Variants in OSGIN2 observed in about 807,000 individuals in gnomAD.
OSGIN2 encodes oxidative stress induced growth inhibitor family member 2.
In OSGIN2, 19 loss-of-function variants were observed where a neutral mutation model predicts 53.8. The ratio of observed to expected loss-of-function variants is 0.35; its 90% CI spans 0.25 to 0.52. The LOEUF (loss-of-function observed/expected upper bound fraction) is 0.52. Among genes scored for constraint, OSGIN2 ranks in the 20% least tolerant of loss-of-function variants. OSGIN2 has a pLI of 0.95. For synonymous variants in OSGIN2, 236 were observed against 236.0 expected, an observed-to-expected ratio of 1.00 and a Z score of 0.00; for missense variants, 520 against 662.7, an observed-to-expected ratio of 0.78 and a Z score of 2.36.
In OSGIN2 at chr8:89,917,954, T is replaced by G. The variant is rs912561219; in HGVS notation, c.529-3126T>G. Among the ~76,000 whole-genome samples the G allele has an allele frequency of 3.3e-5, 5 of 152,274 alleles. No homozygotes were observed. In the South Asian group the frequency reaches 6.2e-4, roughly 19 times the overall value. On this transcript the variant is annotated intron_variant, in intron 4 of 5. Transcript: ENST00000451899. ...CGGTATGTAAACATGCTGAAATTAT[T>G]TCCATCTTTAAAAAAATTTTAGGTG... is the stretch of plus-strand genomic sequence containing the variant.
chr8:89,916,921 A>G (rs1446627581), intron 4 of OSGIN2, among the ~76,000 whole-genome samples: 2 of 152,030 alleles, frequency 1.3e-5, no homozygotes, highest in African/African-American at 4.8e-5. Context: ...ACCCCTATGC[A>G]CTTGTGTAAA....
At chr8:89,915,558 C>G (rs1809060625) in intron 4 of OSGIN2, among the ~76,000 whole-genome samples, 1 of 152,246 alleles carries the variant, frequency 6.6e-6, no homozygotes, top group East Asian at 1.9e-4. Context: ...ATTAGGGGGC[C>G]AGTAAGTAAT....
chr8:89,906,473 C>CT (rs111346238), intron 1 of OSGIN2, among the ~76,000 whole-genome samples: 12,329 of 152,126 alleles, frequency 0.081, 1,555 homozygotes, highest in African/African-American at 0.27. Context: ...TTGTTCCCCT[C>CT]TGTGTGTCCA....
At chr8:89,907,914 T>C (rs1410754211) in intron 1 of OSGIN2, among the ~76,000 whole-genome samples, 1 of 152,210 alleles carries the variant, frequency 6.6e-6, no homozygotes, top group South Asian at 2.1e-4. Context: ...ATATGGAATG[T>C]TTTCCCATTC....
chr8:89,913,676 C>G (rs1032473315), intron 2 of OSGIN2, among the ~76,000 whole-genome samples: 1 of 152,108 alleles, frequency 6.6e-6, no homozygotes, highest in Admixed American at 6.5e-5. Flanking sequence ...TAGTACCATA[C>G]TTTGAGATAG....
rs1318043019 is a variant in OSGIN2, at chr8:89,925,568, C to T, written c.*36C>T. The T allele has an allele frequency of 2.6e-6, 4 of 1,539,518 alleles. No individual in the cohort carries two copies. The highest frequency in any genetic ancestry group is 3.6e-5 in the Admixed American group (2 of 54,932). Reference sequence around the variant, plus strand: ...CAAGTAATTAAAATGGACAGTTTGCCATTAAAGATTTTTAATAGTGGTTTT... The same window carrying T: ...CAAGTAATTAAAATGGACAGTTTGCTATTAAAGATTTTTAATAGTGGTTTT... On this transcript the variant is annotated 3_prime_UTR_variant, in exon 6 of 6. Coordinates refer to ENST00000451899, the MANE Select transcript of OSGIN2 (RefSeq NM_001126111.3).
At chr8:89,914,518 G>T (rs1809036963) in intron 3 of OSGIN2, 37 bp from the exon 4 acceptor site, 1 of 1,531,472 alleles carries the variant, frequency 6.5e-7, no homozygotes, top group South Asian at 1.1e-5. Context: ...GGAAATGCTG[G>T]CTTTTTTCAA....
At chr8:89,920,297 T>TAAG (rs1173235281) in intron 4 of OSGIN2, among the ~76,000 whole-genome samples, 1 of 145,178 alleles carries the variant, frequency 6.9e-6, no homozygotes, top group Non-Finnish European at 1.5e-5. Flanking sequence ...AAGTCAGTTA[T>TAAG]AATAATAATA....
At chr8:89,903,724 TCA>T (rs981149321) in intron 1 of OSGIN2, among the ~76,000 whole-genome samples, 1 of 152,208 alleles carries the variant, frequency 6.6e-6, no homozygotes, top group African/African-American at 2.4e-5. Flanking sequence ...AAGCAACAAA[TCA>T]CAGTAGTATC....
chr8:89,916,384 G>A (rs1809079600), intron 4 of OSGIN2, among the ~76,000 whole-genome samples: 1 of 152,046 alleles, frequency 6.6e-6, no homozygotes, highest in Non-Finnish European at 1.5e-5. Flanking sequence ...CTAAAATAGG[G>A]CTGTAAGTAA....
chr8:89,906,213 T>C (rs532437876), intron 1 of OSGIN2, among the ~76,000 whole-genome samples: 30 of 152,222 alleles, frequency 2.0e-4, no homozygotes, highest in Non-Finnish European at 2.9e-4. Context: ...CCACTCTTTT[T>C]GCTTCCCTGG....
At chr8:89,921,898 G>A (rs1366221221) in intron 5 of OSGIN2, among the ~76,000 whole-genome samples, 1 of 151,996 alleles carries the variant, frequency 6.6e-6, no homozygotes, top group Non-Finnish European at 1.5e-5. Flanking sequence ...AGAATTGCTT[G>A]AACCCGGGAG....
intron 4 of OSGIN2, among the ~76,000 whole-genome samples, chr8:89,919,670 G>A (rs189706121): frequency 6.8e-4 from 104 of 152,268 alleles, no homozygotes; most frequent in Non-Finnish European, 1.3e-3. Flanking sequence ...AACAACGCAG[G>A]CCTGCTGAGT....
At chr8:89,904,373 G>A (rs1306673359) in intron 1 of OSGIN2, among the ~76,000 whole-genome samples, 1 of 152,108 alleles carries the variant, frequency 6.6e-6, no homozygotes, top group South Asian at 2.1e-4. Flanking sequence ...GCTTCCTGCC[G>A]TGCACAGAAA....
intron 1 of OSGIN2, among the ~76,000 whole-genome samples, chr8:89,904,239 A>G (rs543737520): frequency 6.6e-6 from 1 of 152,344 alleles, no homozygotes; most frequent in East Asian, 1.9e-4. Flanking sequence ...TGTTAAACTA[A>G]ATAAAGCCCA....
intron 4 of OSGIN2, among the ~76,000 whole-genome samples, chr8:89,918,277 A>T (rs1003253407): frequency 6.6e-6 from 1 of 151,746 alleles, no homozygotes; most frequent in Non-Finnish European, 1.5e-5. Context: ...TCCTTTTCTG[A>T]TACCTTTGTG....
intron 4 of OSGIN2, among the ~76,000 whole-genome samples, chr8:89,915,356 G>A (rs1431839693): frequency 6.6e-6 from 1 of 152,144 alleles, no homozygotes; most frequent in East Asian, 1.9e-4. Context: ...TATGAAGCCA[G>A]TAATCCCATT....
intron 4 of OSGIN2, among the ~76,000 whole-genome samples, chr8:89,916,902 T>TC (rs893347058): frequency 6.6e-5 from 10 of 152,154 alleles, no homozygotes; most frequent in Non-Finnish European, 1.3e-4. Context: ...AGGTTGGTCT[T>TC]CTCTTCACAC....
chr8:89,908,657 A>G (rs1808888362), intron 1 of OSGIN2, among the ~76,000 whole-genome samples: 1 of 152,164 alleles, frequency 6.6e-6, no homozygotes, highest in African/African-American at 2.4e-5. Context: ...TCTATTCTAA[A>G]GTAATCTGTT....
Sources: allele counts gnomAD v4.1 joint callset (sites outside exome capture counted in the v4.1 genomes callset), GRCh38; gene constraint gnomAD v4.1.1; transcripts MANE v1.5; gene names NCBI Gene and HGNC (gene_info 2026-07-23, HGNC 2026-07-21).